Variants in ZAN observed in about 807,000 individuals in gnomAD.
ZAN encodes zonadhesin (gene/pseudogene).
A neutral mutation model predicts 286.2 loss-of-function variants in ZAN; 260 were observed. The observed-to-expected ratio is 0.91, with a 90% CI of 0.82 to 1.01. The LOEUF is 1.01. Among genes scored for constraint, ZAN ranks in the 50% least tolerant of loss-of-function variants. ZAN has a pLI of 0.00. For missense variants in ZAN, 3,410 were observed against 3,639.2 expected, an observed-to-expected ratio of 0.94 and a Z score of 1.62; for synonymous variants, 1,368 against 1,417.5, an observed-to-expected ratio of 0.97 and a Z score of 0.79.
chr7:100,762,277 A>T lies in ZAN; in HGVS notation c.3905A>T (p.His1302Leu). 1 of 1,613,620 alleles carries T rather than the reference A, an allele frequency of 6.2e-7. No individual in the cohort carries two copies. The highest frequency in any genetic ancestry group is 1.1e-5 in the South Asian group (1 of 91,068). Residue 1302 changes from histidine (H) to leucine (L), a missense_variant, in exon 20 of 48, where the codon CAC becomes CTC. Transcript: ENST00000613979. The part of the protein sequence containing the change: ...GNYDGNSDND[H>L]LKLDGSPAGD... ...TATGACGGCAACAGTGACAATGACC[A>T]CCTGAAGTTGGACGGCAGCCCAGCA...
intron 39 of ZAN, among the ~76,000 whole-genome samples, chr7:100,790,697 A>G (rs1811881339): frequency 6.6e-6 from 1 of 151,998 alleles, no homozygotes; most frequent in South Asian, 2.1e-4. Context: ...AGTTTGGCCA[A>G]CATGGTGAAA....
At chr7:100,761,238 T>C (rs1809554874) in intron 19 of ZAN, among the ~76,000 whole-genome samples, 1 of 152,110 alleles carries the variant, frequency 6.6e-6, no homozygotes, top group African/African-American at 2.4e-5. Context: ...GGTGCAGGGG[T>C]TCCCGCCTGT....
At chr7:100,748,876 T>A (rs775396765) in intron 11 of ZAN, among the ~76,000 whole-genome samples, 116 of 94,712 alleles carry the variant, frequency 1.2e-3, no homozygotes, top group Non-Finnish European at 2.0e-3. Context: ...GAAAAAAAAA[T>A]TTTTTTTTAA....
At position 100,773,194 on chromosome 7, in the gene ZAN, G is replaced by A. The variant is rs984261027; in HGVS notation, c.5426-91G>A. 61 of 1,423,796 alleles carry A rather than the reference G, an allele frequency of 4.3e-5. 1 individual carries two copies. The highest frequency in any genetic ancestry group is 1.7e-4 in the South Asian group (14 of 80,916). The allele number at this position is 1,423,796 out of a possible 1,614,324, so 88.2% of individuals were successfully genotyped here. ...GCTGGGATTACATGTGCGAGCTACC[G>A]CTCCTGGCCACTACTAGGAGCTTTT... On this transcript the variant is annotated intron_variant, in intron 29 of 47. Coordinates refer to ENST00000613979, the MANE Select transcript of ZAN (RefSeq NM_003386.3).
rs759595317 is a variant in ZAN at position 100,795,230 on chromosome 7, C to T, written c.8160C>T (p.Asp2720=). The T allele has an allele frequency of 1.1e-5, 18 of 1,610,616 alleles. No individual in the cohort carries two copies. The highest frequency in any genetic ancestry group is 6.7e-5 in the East Asian group (3 of 44,560). Residue 2720 remains aspartate (D), a synonymous_variant, in exon 45 of 48, where the codon GAC becomes GAT. Coordinates refer to ENST00000613979, the MANE Select transcript of ZAN (RefSeq NM_003386.3). ...GTCTGCAGAACCCCTGTCAGAATGACGGGCAGTGTCGGGAGCAGGGAGCCA... is the reference window on the plus strand; with the variant it reads ...GTCTGCAGAACCCCTGTCAGAATGATGGGCAGTGTCGGGAGCAGGGAGCCA... ...SPCLQNPCQN[D]GQCREQGATF...
chr7:100,792,285 G>A (rs1812028257), intron 41 of ZAN, 120 bp from the exon 42 acceptor site: 1 of 1,508,716 alleles, frequency 6.6e-7, no homozygotes, highest in Non-Finnish European at 8.9e-7. Context: ...ATTTCCTTGT[G>A]ACCCTCACTG....
chr7:100,775,598 G>A (rs760828175), intron 32 of ZAN, 23 bp downstream of exon 32: 1 of 1,611,872 alleles, frequency 6.2e-7, no homozygotes, highest in South Asian at 1.1e-5. Context: ...TGGTGACCGG[G>A]GCTGGGAGGG....
At chr7:100,787,630 G>A (rs1189618776) in intron 37 of ZAN, among the ~76,000 whole-genome samples, 1 of 151,966 alleles carries the variant, frequency 6.6e-6, no homozygotes, top group Non-Finnish European at 1.5e-5. Flanking sequence ...CGCGATCTCG[G>A]CGCTCACTAC....
chr7:100,758,748 G>A, intron 17 of ZAN, 98 bp downstream of exon 17: 1 of 1,499,544 alleles, frequency 6.7e-7, no homozygotes, highest in Non-Finnish European at 8.9e-7. Flanking sequence ...GCAGGGCACA[G>A]ATGGGGGAAG....
At position 100,787,906 on chromosome 7, in the gene ZAN, G is replaced by C. The variant is rs1398148703; in HGVS notation, c.6997G>C (p.Val2333Leu). The change falls in exon 38 of 48, where the codon GTC (valine) becomes CTC (leucine). Residue 2333 changes from valine (V) to leucine (L), a missense_variant. Physicochemically the swap from Val to Leu is conservative, Grantham distance 32. This residue lies in a region of ZAN where 1,289 missense variants were observed against 1,314.3 expected (regional missense o/e 0.98). Transcript: ENST00000613979. ...CVSDKSEQCSVYGDPRYLTFD... is the reference protein window; with the variant it reads ...CVSDKSEQCSLYGDPRYLTFD... ...CTTGGCAGAGTCTGAACAATGCTCAGTCTATGGCGACCCCCGTTACCTCAC... is the reference window on the plus strand; with the variant it reads ...CTTGGCAGAGTCTGAACAATGCTCACTCTATGGCGACCCCCGTTACCTCAC... 1.9e-6 allele frequency: 3 copies of C among 1,543,834 alleles called. No individual in the cohort carries two copies. In the Admixed American group the frequency reaches 5.3e-5, roughly 27 times the overall value.
intron 14 of ZAN, among the ~76,000 whole-genome samples, chr7:100,753,755 C>T (rs1424397321): frequency 6.7e-6 from 1 of 149,196 alleles, no homozygotes; most frequent in Non-Finnish European, 1.5e-5. Context: ...ATCACTTGAG[C>T]CTAGGAGGCT....
intron 36 of ZAN, among the ~76,000 whole-genome samples, chr7:100,785,725 C>T (rs1454872339): frequency 6.6e-6 from 1 of 150,958 alleles, no homozygotes; most frequent in Non-Finnish European, 1.5e-5. Flanking sequence ...GTGGTGCGAT[C>T]TTGGCTCACT....
rs1251730658 is a variant in ZAN, at chr7:100,790,979, T to C, written c.7395T>C (p.Ser2465=). 52 of 1,610,336 alleles carry C rather than the reference T, an allele frequency of 3.2e-5. No individual in the cohort carries two copies. The highest frequency in any genetic ancestry group is 4.3e-5 in the Non-Finnish European group (51 of 1,178,958). The change falls in exon 40 of 48, where the codon AGT becomes AGC. Residue 2465 remains serine (S), a synonymous_variant. Transcript: ENST00000613979. The part of the protein sequence containing the change: ...SLPSMYEGLV[S]GLCGNYDKNR... Reference sequence around the variant, plus strand: ...CCAGCATGTACGAGGGGCTTGTGAGTGGCCTGTGCGGAAACTACGACAAGA... The same window carrying C: ...CCAGCATGTACGAGGGGCTTGTGAGCGGCCTGTGCGGAAACTACGACAAGA...
intron 17 of ZAN, among the ~76,000 whole-genome samples, chr7:100,759,001 T>A (rs1251194612): frequency 1.3e-5 from 2 of 150,924 alleles, no homozygotes; most frequent in Non-Finnish European, 3.0e-5. Flanking sequence ...AGGTGGGGGG[T>A]TCACCTGAGG....
Position 100,795,305 on chromosome 7 carries a change from G to T in ZAN, c.8235G>T (p.Glu2745Asp), listed in dbSNP as rs1812288703. Residue 2745 changes from glutamate (E) to aspartate (D), a missense_variant, in exon 45 of 48, where the codon GAG (glutamate) becomes GAT (aspartate). Coordinates refer to ENST00000613979, the MANE Select transcript of ZAN (RefSeq NM_003386.3). ...GTTACGGGGGAGGCCTGTGTATGGA[G>T]CCTCGAGATGCGCCACCTCCCAGAA... ...EVGYGGGLCM[E>D]PRDAPPPRKP... 2 of 1,599,358 alleles carry T rather than the reference G, an allele frequency of 1.3e-6. No individual in the cohort carries two copies. The highest frequency in any genetic ancestry group is 1.7e-6 in the Non-Finnish European group (2 of 1,171,098).
At chr7:100,759,180 G>A (rs543085198) in intron 17 of ZAN, among the ~76,000 whole-genome samples, 112 of 151,696 alleles carry the variant, frequency 7.4e-4, no homozygotes, top group Admixed American at 1.6e-3. Context: ...AGCCAAGATC[G>A]AGCCACTGCA....
rs553276812 is a variant in ZAN, at chr7:100,790,510, G to A, written c.7358-432G>A. ...CTGGGAGGCGGAGCTTGCAGTGAGC[G>A]GAGATCACACCGCTGCACTCCAGCC... On this transcript the variant is annotated intron_variant, in intron 39 of 47. Transcript: ENST00000613979. Among the ~76,000 whole-genome samples, 11 of 149,388 alleles carry A rather than the reference G, an allele frequency of 7.4e-5. 1 individual carries two copies. In the East Asian group the frequency reaches 2.0e-3, roughly 27 times the overall value.
rs374960098 is a variant in ZAN, at chr7:100,752,750, C to T, written c.2645C>T (p.Thr882Met). 51 of 1,540,214 alleles carry T rather than the reference C, an allele frequency of 3.3e-5. No homozygotes were observed. Among genetic ancestry groups the T allele is most frequent in the Admixed American group, 2.1e-4 (12 of 56,340 alleles). The change falls in exon 14 of 48, where the codon ACG (threonine) becomes ATG (methionine). Residue 882 changes from threonine to methionine, a missense_variant. Thr to Met is a moderately conservative substitution (Grantham distance 81, BLOSUM62 -1). Transcript: ENST00000613979. ...CCCACGGAAAAACTCACCATCCCCA[C>T]GGAAAAACCCACCATCCCCATTGAA... ...TIPTEKLTIP[T>M]EKPTIPIEET...
rs1474549717 is a variant in ZAN at position 100,747,643 on chromosome 7, TAC to T, written c.1023+4_1023+5del. ...TACACAGCCGTGGGACGGATACAGGTACAGAGAAGCAAGGGGTCAGGTCCTTG... is the reference window on the plus strand; with the variant it reads ...TACACAGCCGTGGGACGGATACAGGTAGAGAAGCAAGGGGTCAGGTCCTTG... On this transcript the variant is annotated splice_donor_region_variant and intron_variant, in intron 9 of 47. Transcript: ENST00000613979. 1 of 1,613,528 alleles carries T rather than the reference TAC, an allele frequency of 6.2e-7. No homozygotes were observed. Among genetic ancestry groups the T allele is most frequent in the East Asian group, 2.2e-5 (1 of 44,860 alleles).
Sources: gnomAD v4.1 joint callset for allele counts (sites outside exome capture counted in the v4.1 genomes callset) on GRCh38, gnomAD v4.1.1 for gene constraint, gnomAD v4.1.1 regional missense constraint, MANE v1.5 for transcripts, NCBI Gene and HGNC (gene_info 2026-07-23, HGNC 2026-07-21) for gene names.